The following ANKRD36B variants were observed in gnomAD, a reference collection of about 807,000 sequenced individuals.
ANKRD36B encodes ankyrin repeat domain-containing protein 36B.
A neutral mutation model predicts 135.7 loss-of-function variants in ANKRD36B; 37 were observed. The observed-to-expected ratio is 0.27, with a 90% CI of 0.21 to 0.36. The LOEUF is 0.36. Among genes scored for constraint, ANKRD36B ranks in the 10% least tolerant of loss-of-function variants. ANKRD36B has a pLI of 1.00. For missense variants in ANKRD36B, 549 were observed against 1,037.1 expected, an observed-to-expected ratio of 0.53 and a Z score of 6.46; for synonymous variants, 179 against 348.1, an observed-to-expected ratio of 0.51 and a Z score of 5.41.
chr2:97,565,745 C>G (rs2081376534), intron 6 of ANKRD36B, among the ~76,000 whole-genome samples: 1 of 152,084 alleles, frequency 6.6e-6, no homozygotes, highest in Non-Finnish European at 1.5e-5. Flanking sequence ...TGCTTTTACA[C>G]TGTTGGTGGG....
At chr2:97,586,492 A>G (rs1418557455) in intron 1 of ANKRD36B, among the ~76,000 whole-genome samples, 1 of 152,092 alleles carries the variant, frequency 6.6e-6, no homozygotes, top group Non-Finnish European at 1.5e-5. Context: ...CTGGGCAGGT[A>G]AACATGAAGT....
chr2:97,563,929 C>T (rs1449515242), intron 6 of ANKRD36B, among the ~76,000 whole-genome samples: 2 of 152,104 alleles, frequency 1.3e-5, no homozygotes, highest in Non-Finnish European at 2.9e-5. Context: ...GCCATCATCA[C>T]ATGGCATATC....
Position 97,514,026 on chromosome 2 carries a change from C to A in ANKRD36B, c.2622-663G>T, listed in dbSNP as rs1185268225. Among the ~76,000 whole-genome samples the A allele has an allele frequency of 1.7e-3, 218 of 129,760 alleles. 2 individuals carry two copies. The highest frequency in any genetic ancestry group is 2.2e-3 in the Non-Finnish European group (143 of 64,268). The allele number at this position is 129,760 out of a possible 152,430, so 85.1% of individuals were successfully genotyped here. On this transcript the variant is annotated intron_variant, in intron 37 of 43. Transcript: ENST00000359901. ...CTAAAATGTATAAAACCAAGCTGCACCCCGACCACTTCGGGCACATGTTCT... is the reference window on the plus strand; with the variant it reads ...CTAAAATGTATAAAACCAAGCTGCAACCCGACCACTTCGGGCACATGTTCT...
chr2:97,585,931 C>T (rs1253852357), intron 1 of ANKRD36B, among the ~76,000 whole-genome samples: 4 of 152,168 alleles, frequency 2.6e-5, no homozygotes, highest in African/African-American at 9.7e-5. Context: ...CTTATATAAG[C>T]TACTATTCTC....
At chr2:97,547,985 G>A (rs1037991895) in intron 20 of ANKRD36B, among the ~76,000 whole-genome samples, 2 of 151,732 alleles carry the variant, frequency 1.3e-5, no homozygotes, top group African/African-American at 2.4e-5. Context: ...AAATAAAACC[G>A]TGTCAATATC....
At chr2:97,551,796 A>G (rs566579099) in intron 16 of ANKRD36B, among the ~76,000 whole-genome samples, 1 of 152,096 alleles carries the variant, frequency 6.6e-6, no homozygotes, top group Non-Finnish European at 1.5e-5. Flanking sequence ...ATCAGAGGAG[A>G]AACTCATACA....
Position 97,529,871 on chromosome 2 carries a change from A to T in ANKRD36B, c.2265+2440T>A. 2.1e-5 allele frequency among the ~76,000 whole-genome samples: 2 copies of T among 96,114 alleles called. 1 individual carries two copies. Among genetic ancestry groups the T allele is most frequent in the Non-Finnish European group, 5.5e-5 (2 of 36,268 alleles). The allele number at this position is 96,114 out of a possible 152,430, so 63.1% of individuals were successfully genotyped here. On this transcript the variant is annotated intron_variant, in intron 35 of 43. Coordinates refer to ENST00000359901, the MANE Select transcript of ANKRD36B (RefSeq NM_001393939.1). Reference sequence around the variant, plus strand: ...AGGGACGTGAAGGACCTCTTCAAGGAGAACTACAAATCACTGCTCAAGGAA... The same window carrying T: ...AGGGACGTGAAGGACCTCTTCAAGGTGAACTACAAATCACTGCTCAAGGAA...
rs111975554 is a variant in ANKRD36B, at chr2:97,525,924, C to G, written c.2266-2457G>C. ...GGAATCTCAAACTGGGTGGAACCCA[C>G]CACAGCTCAAGGAGGCCTTCCTGCC... On this transcript the variant is annotated intron_variant, in intron 35 of 43. Transcript: ENST00000359901. Among the ~76,000 whole-genome samples the G allele has an allele frequency of 1.1e-4, 11 of 98,462 alleles. 4 individuals carry two copies. Among genetic ancestry groups the G allele is most frequent in the African/African-American group, 3.3e-4 (11 of 33,006 alleles). 64.6% of individuals were successfully genotyped at this position (98,462 alleles called of 152,430 possible).
At chr2:97,586,970 T>C (rs1353886273) in intron 1 of ANKRD36B, among the ~76,000 whole-genome samples, 1 of 152,148 alleles carries the variant, frequency 6.6e-6, no homozygotes, top group Admixed American at 6.5e-5. Context: ...GGTCAGGAGT[T>C]TGAGACCAGC....
rs368902616 is a variant in ANKRD36B at position 97,555,121 on chromosome 2, G to T, written c.1110C>A (p.Asp370Glu). 4 of 1,611,874 alleles carry T rather than the reference G, an allele frequency of 2.5e-6. No homozygotes were observed. In the African/African-American group the frequency reaches 5.3e-5, roughly 22 times the overall value. ...CTGTATTCAAAGCAGAATCTGTCTT[G>T]TCACTTGCAGTCTGAAAGTAATTTG... ...QKQPASKTAS[D>E]KTDSALNTAT... Residue 370 changes from aspartate to glutamate, a missense_variant, in exon 14 of 44, where the codon GAC (aspartate) becomes GAA (glutamate). Physicochemically the swap from Asp to Glu is conservative, Grantham distance 45. Transcript: ENST00000359901.
At chr2:97,573,630 T>C (rs2082034986) in intron 6 of ANKRD36B, among the ~76,000 whole-genome samples, 1 of 152,152 alleles carries the variant, frequency 6.6e-6, no homozygotes, top group African/African-American at 2.4e-5. Flanking sequence ...GCTACCTGAC[T>C]TCAAACTATA....
chr2:97,587,619 GA>G (rs2083110026), intron 1 of ANKRD36B, among the ~76,000 whole-genome samples: 1 of 152,120 alleles, frequency 6.6e-6, no homozygotes, highest in East Asian at 1.9e-4. Context: ...GCAGTGCTGA[GA>G]AAAACAAATT....
chr2:97,559,847 T>A (rs1320555367), intron 8 of ANKRD36B, among the ~76,000 whole-genome samples: 2 of 151,944 alleles, frequency 1.3e-5, no homozygotes, highest in African/African-American at 4.8e-5. Flanking sequence ...GCTGGGAGTA[T>A]CATGTTAGTC....
intron 35 of ANKRD36B, among the ~76,000 whole-genome samples, chr2:97,529,397 C>T (rs1389780243): frequency 6.5e-5 from 6 of 92,548 alleles, no homozygotes; most frequent in Non-Finnish European, 1.1e-4. Context: ...ATTGATGGGA[C>T]GTATCTCAAA....
At chr2:97,547,790 C>G in intron 20 of ANKRD36B, 59 bp from the exon 21 acceptor site, 1 of 1,532,828 alleles carries the variant, frequency 6.5e-7, no homozygotes, top group Non-Finnish European at 8.8e-7. Flanking sequence ...ATTATCCACA[C>G]ATTCACGCAG....
rs1291092757 is a variant in ANKRD36B, at chr2:97,589,677, G to A, written c.9C>T (p.Arg3=). ME[R]LCSDGFAFPH... ...GAAATGCGAAGCCATCCGAGCACAA[G>A]CGCTCCATGAGGGTGGGCCACCTCT... The change falls in exon 1 of 44, where the codon CGC becomes CGT. Residue 3 remains arginine (R), a synonymous_variant. Transcript: ENST00000359901. 4 of 1,614,188 alleles carry A rather than the reference G, an allele frequency of 2.5e-6. No homozygotes were observed. Among genetic ancestry groups the A allele is most frequent in the East Asian group, 4.5e-5 (2 of 44,864 alleles).
At chr2:97,547,082 A>G (rs565536080) in intron 22 of ANKRD36B, 2 of 152,452 alleles carry the variant, frequency 1.3e-5, no homozygotes, top group East Asian at 1.9e-4. Flanking sequence ...CTCACAATCC[A>G]TCTTCTTTAG....
chr2:97,569,272 T>C (rs1283278352), intron 6 of ANKRD36B, among the ~76,000 whole-genome samples: 1 of 152,226 alleles, frequency 6.6e-6, no homozygotes, highest in Non-Finnish European at 1.5e-5. Context: ...AATGGATAGC[T>C]TAATTGAATA....
At chr2:97,578,861 A>C in intron 5 of ANKRD36B, 45 bp downstream of exon 5, 1 of 1,589,556 alleles carries the variant, frequency 6.3e-7, no homozygotes, top group Non-Finnish European at 8.6e-7. Flanking sequence ...CAATTATTTT[A>C]AACTTCAATT....
Sources: allele counts gnomAD v4.1 joint callset (sites outside exome capture counted in the v4.1 genomes callset), GRCh38; gene constraint gnomAD v4.1.1; transcripts MANE v1.5; gene names NCBI Gene and HGNC (gene_info 2026-07-23, HGNC 2026-07-21).